The following MDGA2 variants were observed in gnomAD, a reference collection of about 807,000 sequenced individuals.
MDGA2 encodes the protein MAM domain containing glycosylphosphatidylinositol anchor 2, also known as MAM domain-containing glycosylphosphatidylinositol anchor protein 2.
MDGA2 carries 40 observed loss-of-function variants against 117.8 expected under a neutral mutation model. The observed-to-expected ratio is 0.34, with a 90% CI of 0.26 to 0.44. The LOEUF (loss-of-function observed/expected upper bound fraction) is 0.44, where lower values mean the gene tolerates loss of function less well. Ranked by LOEUF, MDGA2 falls within the 20% of genes least tolerant of loss-of-function variation. The pLI is 1.00. For missense variants in MDGA2, 1,123 were observed against 1,250.6 expected (o/e 0.90, Z 1.54); for synonymous variants, 452 against 439.0 (o/e 1.03, Z -0.37).
chr14:47,483,959 C>G (rs1265416530), intron 1 of MDGA2, among the ~76,000 whole-genome samples: 2 of 152,128 alleles, frequency 1.3e-5, no homozygotes, highest in Non-Finnish European at 2.9e-5. Flanking sequence ...TGTCAAAACT[C>G]TTGAGATACA....
At chr14:47,038,022 C>T (rs1288892052) in intron 7 of MDGA2, among the ~76,000 whole-genome samples, 19 of 152,058 alleles carry the variant, frequency 1.2e-4, no homozygotes, top group East Asian at 7.7e-4. Flanking sequence ...CTCTGCCTCC[C>T]GGGTTCAAGT....
intron 1 of MDGA2, among the ~76,000 whole-genome samples, chr14:47,341,469 T>C (rs560199326): frequency 6.6e-6 from 1 of 152,326 alleles, no homozygotes; most frequent in East Asian, 1.9e-4. Context: ...GTACGTAATT[T>C]CTTAATTTGG....
chr14:47,053,641 A>G (rs1476199060), intron 7 of MDGA2, among the ~76,000 whole-genome samples: 2 of 73,478 alleles, frequency 2.7e-5, no homozygotes, highest in Non-Finnish European at 5.6e-5. Flanking sequence ...ATATATATAT[A>G]TATATATATA....
intron 1 of MDGA2, among the ~76,000 whole-genome samples, chr14:47,349,926 G>C (rs1890842828): frequency 6.6e-6 from 1 of 152,226 alleles, no homozygotes; most frequent in Non-Finnish European, 1.5e-5. Context: ...ACTGGCAGGA[G>C]ATGAGAGGGC....
chr14:47,164,734 A>G (rs527439303), intron 3 of MDGA2, among the ~76,000 whole-genome samples: 44 of 152,340 alleles, frequency 2.9e-4, no homozygotes, highest in African/African-American at 1.1e-3. Flanking sequence ...CATTTGACCC[A>G]GCCATCCCAT....
intron 1 of MDGA2, among the ~76,000 whole-genome samples, chr14:47,435,622 A>G (rs960910772): frequency 4.6e-5 from 7 of 152,118 alleles, no homozygotes; most frequent in African/African-American, 1.7e-4. Flanking sequence ...TTTGTTTTCT[A>G]AAACTTTCTA....
At chr14:47,215,095 G>C (rs551255440) in intron 3 of MDGA2, among the ~76,000 whole-genome samples, 2 of 152,054 alleles carry the variant, frequency 1.3e-5, no homozygotes, top group Non-Finnish European at 1.5e-5. Flanking sequence ...TGATATTGAT[G>C]AAAGTTCCAC....
intron 1 of MDGA2, among the ~76,000 whole-genome samples, chr14:47,605,483 G>GT (rs1468824999): frequency 1.3e-5 from 2 of 152,118 alleles, no homozygotes; most frequent in Non-Finnish European, 2.9e-5. Context: ...AGAAACTGCT[G>GT]TATCTTTCAC....
At chr14:47,554,579 T>C (rs1895648643) in intron 1 of MDGA2, among the ~76,000 whole-genome samples, 1 of 152,186 alleles carries the variant, frequency 6.6e-6, no homozygotes, top group African/African-American at 2.4e-5. Context: ...CTAATTGTAT[T>C]CATGATAAAT....
At position 47,502,424 on chromosome 14, in the gene MDGA2, G is replaced by A. The variant is rs148821679; in HGVS notation, c.280+172093C>T. On this transcript the variant is annotated intron_variant, in intron 1 of 16. Coordinates refer to ENST00000399232, the MANE Select transcript of MDGA2 (RefSeq NM_001113498.3). ...AGGCTCCCTCACAGAACTAAATTCT[G>A]TCTCATGTGTAAAACACCAAAACAT... Among the ~76,000 whole-genome samples the A allele has an allele frequency of 1.7e-3, 260 of 152,196 alleles. 3 individuals are homozygous for A. The highest frequency in any genetic ancestry group is 6.1e-3 in the African/African-American group (255 of 41,544).
intron 1 of MDGA2, among the ~76,000 whole-genome samples, chr14:47,617,936 C>A (rs1896977161): frequency 6.6e-6 from 1 of 152,114 alleles, no homozygotes; most frequent in African/African-American, 2.4e-5. Flanking sequence ...ACCCAAACAG[C>A]TTCTTAATAA....
chr14:47,271,162 GC>G (rs1178138119), intron 2 of MDGA2, among the ~76,000 whole-genome samples: 1 of 152,088 alleles, frequency 6.6e-6, no homozygotes, highest in Non-Finnish European at 1.5e-5. Flanking sequence ...AACCTTTCCT[GC>G]CCCCAAAGTC....
At chr14:47,199,150 G>C (rs987693684) in intron 3 of MDGA2, among the ~76,000 whole-genome samples, 25 of 151,520 alleles carry the variant, frequency 1.6e-4, no homozygotes, top group African/African-American at 5.8e-4. Flanking sequence ...CACAATTGTG[G>C]GAGCCAATTT....
chr14:46,910,528 C>T (rs1476872343), intron 10 of MDGA2, among the ~76,000 whole-genome samples: 2 of 152,132 alleles, frequency 1.3e-5, no homozygotes, highest in African/African-American at 4.8e-5. Flanking sequence ...GCCAACATCA[C>T]ACTGAATGGG....
chr14:47,424,983 A>T (rs1264424534), intron 1 of MDGA2, among the ~76,000 whole-genome samples: 1 of 152,178 alleles, frequency 6.6e-6, no homozygotes, highest in Admixed American at 6.6e-5. Context: ...GGGGATGATG[A>T]AAAGGAAGGT....
At chr14:47,588,067 T>G (rs1896359421) in intron 1 of MDGA2, among the ~76,000 whole-genome samples, 1 of 151,754 alleles carries the variant, frequency 6.6e-6, no homozygotes, top group African/African-American at 2.4e-5. Context: ...TTTCTTTCTA[T>G]TACTGAATAA....
chr14:47,402,118 C>G (rs1892161898), intron 1 of MDGA2, among the ~76,000 whole-genome samples: 1 of 152,142 alleles, frequency 6.6e-6, no homozygotes. Context: ...TTAAATTTTC[C>G]TCAATGCCTA....
At chr14:46,982,705 CAAAAAAAAAAAAAAA>C (rs59530070) in intron 8 of MDGA2, among the ~76,000 whole-genome samples, 8 of 45,938 alleles carry the variant, frequency 1.7e-4, no homozygotes, top group Admixed American at 3.6e-4. Context: ...GAGACTCCAT[CAAAAAAAAAAAAAAA>C]AAAAAAAAAA....
At chr14:47,289,831 C>T (rs1763037704) in intron 2 of MDGA2, among the ~76,000 whole-genome samples, 1 of 152,030 alleles carries the variant, frequency 6.6e-6, no homozygotes, top group Non-Finnish European at 1.5e-5. Flanking sequence ...ACATAGATTT[C>T]ACAGAGAGAC....
Sources: allele counts gnomAD v4.1 joint callset (sites outside exome capture counted in the v4.1 genomes callset), GRCh38; gene constraint gnomAD v4.1.1; transcripts MANE v1.5; gene names NCBI Gene and HGNC (gene_info 2026-07-23, HGNC 2026-07-21).